ERC1: variants seen among roughly 807,000 people sequenced by gnomAD.
ERC1 encodes ELKS/RAB6-interacting/CAST family member 1, also known as RAB6 interacting protein 2.
ERC1 carries 56 observed loss-of-function variants against 132.0 expected under a neutral mutation model. That is an observed-to-expected ratio of 0.42 (90% CI 0.34 to 0.53). ERC1 has a LOEUF of 0.53. ERC1 is among the 20% of genes least tolerant of loss of function. ERC1 has a pLI of 0.03. For synonymous variants in ERC1, 478 were observed against 476.1 expected (o/e 1.00, Z -0.05); for missense variants, 1,202 against 1,349.9 (o/e 0.89, Z 1.72).
intron 7 of ERC1, among the ~76,000 whole-genome samples, chr12:1,131,531 G>C (rs1038034519): frequency 2.0e-5 from 3 of 152,016 alleles, no homozygotes; most frequent in Non-Finnish European, 4.4e-5. Context: ...GCACAATCTT[G>C]GCACACTGCA....
chr12:1,416,676 C>A (rs527676622), intron 17 of ERC1, among the ~76,000 whole-genome samples: 1 of 152,174 alleles, frequency 6.6e-6, no homozygotes, highest in Non-Finnish European at 1.5e-5. Flanking sequence ...CTGTTGCTTT[C>A]AGGTCCTAGT....
Position 1,148,403 on chromosome 12 carries a change from A to C in ERC1, c.1737+6616A>C, listed in dbSNP as rs147935340. Among the ~76,000 whole-genome samples the C allele has an allele frequency of 1.1e-4, 16 of 152,162 alleles. No homozygotes were observed. In the East Asian group the frequency reaches 3.1e-3, roughly 29 times the overall value. ...GACACACACACACACATATCATGCA[A>C]ATCTTGTATATTTTTTCTTTGTCCT... On this transcript the variant is annotated intron_variant, in intron 8 of 18. Transcript: ENST00000360905.
At chr12:1,035,204 C>G (rs1169556233) in intron 2 of ERC1, among the ~76,000 whole-genome samples, 1 of 152,196 alleles carries the variant, frequency 6.6e-6, no homozygotes, top group African/African-American at 2.4e-5. Context: ...GGTCAGGCAT[C>G]TTCCACTTGA....
intron 13 of ERC1, among the ~76,000 whole-genome samples, chr12:1,238,576 G>A (rs1016357847): frequency 6.6e-6 from 1 of 152,018 alleles, no homozygotes; most frequent in Non-Finnish European, 1.5e-5. Flanking sequence ...TCTGTTTCTA[G>A]GATTTCAGTT....
chr12:1,487,583 G>A (rs1272246059), intron 18 of ERC1, among the ~76,000 whole-genome samples: 1 of 150,554 alleles, frequency 6.6e-6, no homozygotes. Context: ...AGCCAGGCAT[G>A]GTGGTACACA....
intron 18 of ERC1, among the ~76,000 whole-genome samples, chr12:1,489,164 T>G (rs1014251539): frequency 2.0e-4 from 31 of 152,216 alleles, no homozygotes; most frequent in African/African-American, 7.5e-4. Flanking sequence ...CCTGCCATCC[T>G]GAGGCTTCCC....
intron 15 of ERC1, among the ~76,000 whole-genome samples, chr12:1,306,103 A>G (rs1008026059): frequency 1.7e-4 from 25 of 151,488 alleles, no homozygotes; most frequent in African/African-American, 6.1e-4. Context: ...TACTTTAAAG[A>G]AAAAAAAACC....
rs556113304 is a variant in ERC1, at chr12:1,252,692, T to C, written c.2488-10342T>C. Among the ~76,000 whole-genome samples, 92 of 152,300 alleles carry C rather than the reference T, an allele frequency of 6.0e-4. 1 individual carries two copies. The highest frequency in any genetic ancestry group is 2.1e-3 in the African/African-American group (88 of 41,558). ...ACTGAGGGGAGACATTTGAGGTGTT[T>C]TAAGGAGAAGGAGGGAGAGAATATT... On this transcript the variant is annotated intron_variant, in intron 13 of 18. Coordinates refer to ENST00000360905, the MANE Select transcript of ERC1 (RefSeq NM_178040.4).
intron 3 of ERC1, among the ~76,000 whole-genome samples, chr12:1,097,708 A>T (rs1388213627): frequency 2.0e-5 from 3 of 147,820 alleles, no homozygotes; most frequent in Non-Finnish European, 4.5e-5. Context: ...TTTGTTTTTA[A>T]TTTTTAATTT....
At chr12:1,093,312 C>T (rs1340649639) in intron 3 of ERC1, among the ~76,000 whole-genome samples, 3 of 152,078 alleles carry the variant, frequency 2.0e-5, no homozygotes, top group Non-Finnish European at 2.9e-5. Flanking sequence ...TGTATTATTT[C>T]GCTGTAGCTC....
chr12:1,391,043 T>C (rs1211083373), intron 16 of ERC1: 6 of 152,264 alleles, frequency 3.9e-5, no homozygotes, highest in Non-Finnish European at 8.8e-5. Flanking sequence ...AAGATGAATG[T>C]TTCAGTTCGC....
chr12:1,179,711 T>A (rs537773882), intron 8 of ERC1, among the ~76,000 whole-genome samples: 1 of 151,770 alleles, frequency 6.6e-6, no homozygotes, highest in Non-Finnish European at 1.5e-5. Context: ...GTTTCACCGT[T>A]TTAGCTGGGA....
At chr12:1,076,322 G>A (rs1941325189) in intron 2 of ERC1, among the ~76,000 whole-genome samples, 1 of 151,402 alleles carries the variant, frequency 6.6e-6, no homozygotes, top group South Asian at 2.1e-4. Flanking sequence ...TAGGACTGTG[G>A]TTTGTATTTT....
At chr12:994,347 G>A (rs1363422653) in intron 1 of ERC1, among the ~76,000 whole-genome samples, 1 of 151,904 alleles carries the variant, frequency 6.6e-6, no homozygotes, top group African/African-American at 2.4e-5. Flanking sequence ...TATTTTTTGT[G>A]TGTGGAATGT....
At chr12:1,373,758 A>G (rs1477767515) in intron 16 of ERC1, among the ~76,000 whole-genome samples, 1 of 152,194 alleles carries the variant, frequency 6.6e-6, no homozygotes, top group Non-Finnish European at 1.5e-5. Flanking sequence ...CTAGCCTGAC[A>G]AGAGGACGAG....
At chr12:1,455,659 C>T (rs1320632692) in intron 18 of ERC1, among the ~76,000 whole-genome samples, 2 of 152,150 alleles carry the variant, frequency 1.3e-5, no homozygotes, top group African/African-American at 2.4e-5. Flanking sequence ...CAGGGAGTTG[C>T]GTTAGTGGCT....
At chr12:1,451,094 C>T (rs999346209) in intron 18 of ERC1, among the ~76,000 whole-genome samples, 2 of 152,108 alleles carry the variant, frequency 1.3e-5, no homozygotes, top group African/African-American at 4.8e-5. Flanking sequence ...TATTTTCTCC[C>T]GTTCTGTGGT....
chr12:1,355,504 A>G (rs1433377093), intron 15 of ERC1, among the ~76,000 whole-genome samples: 2 of 152,218 alleles, frequency 1.3e-5, no homozygotes, highest in Non-Finnish European at 2.9e-5. Flanking sequence ...TGTTATGACC[A>G]GTGTTCCTCA....
chr12:1,278,311 A>G (rs1006453207), intron 14 of ERC1, among the ~76,000 whole-genome samples: 1 of 152,220 alleles, frequency 6.6e-6, no homozygotes, highest in African/African-American at 2.4e-5. Context: ...GACTTAAGTT[A>G]GAGGAATGAT....
Sources: gnomAD v4.1 joint callset for allele counts (sites outside exome capture counted in the v4.1 genomes callset) on GRCh38, gnomAD v4.1.1 for gene constraint, MANE v1.5 for transcripts, NCBI Gene and HGNC (gene_info 2026-07-23, HGNC 2026-07-21) for gene names.